The following LYSMD1 variants were observed in gnomAD, a reference collection of about 807,000 sequenced individuals.
LYSMD1 encodes the protein lysM and putative peptidoglycan-binding domain-containing protein 1.
A neutral mutation model predicts 19.3 loss-of-function variants in LYSMD1; 9 were observed. That is an observed-to-expected ratio of 0.47 (90% CI 0.28 to 0.81). The LOEUF (loss-of-function observed/expected upper bound fraction) is 0.81. Among genes scored for constraint, LYSMD1 ranks in the 40% least tolerant of loss-of-function variants. The pLI, the probability that LYSMD1 is intolerant of heterozygous loss-of-function variation, is 0.11. For synonymous variants in LYSMD1, 111 were observed against 111.7 expected, an observed-to-expected ratio of 0.99 and a Z score of 0.04; for missense variants, 262 against 279.8, an observed-to-expected ratio of 0.94 and a Z score of 0.45.
downstream of LYSMD1, chr1:151,159,153 C>T: frequency 6.2e-7 from 1 of 1,614,208 alleles, no homozygotes; most frequent in Non-Finnish European, 8.5e-7. Flanking sequence ...ACTTCTCTGA[C>T]CCAGGTCTGC....
the LYSMD1 span, among the ~76,000 whole-genome samples, chr1:151,152,941 T>C: frequency 9.2e-5 from 14 of 152,206 alleles, no homozygotes; most frequent in African/African-American, 3.4e-4. Context: ...AATATCTTCA[T>C]TTTGCTTCAA....
At chr1:151,152,563 G>C in the LYSMD1 span, among the ~76,000 whole-genome samples, 1 of 151,294 alleles carries the variant, frequency 6.6e-6, no homozygotes, top group South Asian at 2.1e-4. Flanking sequence ...AGCCGGGCGT[G>C]GGGGTGCGCG....
the LYSMD1 span, among the ~76,000 whole-genome samples, chr1:151,148,548 AC>A: frequency 2.6e-5 from 4 of 152,230 alleles, no homozygotes; most frequent in Non-Finnish European, 5.9e-5. Flanking sequence ...AAAAGACAAC[AC>A]CAAGTCTCAA....
At chr1:151,152,113 A>AG in the LYSMD1 span, among the ~76,000 whole-genome samples, 43 of 151,874 alleles carry the variant, frequency 2.8e-4, no homozygotes, top group Non-Finnish European at 4.1e-4. Flanking sequence ...CAAAAAAAAA[A>AG]CAAGCCAGGT....
intron 1 of LYSMD1, among the ~76,000 whole-genome samples, chr1:151,164,055 G>A (rs587769424): frequency 6.6e-4 from 101 of 152,100 alleles, no homozygotes; most frequent in African/African-American, 2.3e-3. Flanking sequence ...CACCACGCCC[G>A]GCTAATTTTT....
downstream of LYSMD1, among the ~76,000 whole-genome samples, chr1:151,156,982 G>A (rs1226930390): frequency 6.6e-6 from 1 of 152,212 alleles, no homozygotes; most frequent in South Asian, 2.1e-4. Context: ...GGAAATCTTA[G>A]GAAACAAGGA....
downstream of LYSMD1, among the ~76,000 whole-genome samples, chr1:151,155,006 C>T (rs1482269582): frequency 6.6e-6 from 1 of 152,168 alleles, no homozygotes; most frequent in Admixed American, 6.6e-5. Context: ...GTGATCCACC[C>T]ACCTTGGCTT....
At position 151,161,757 on chromosome 1, in the gene LYSMD1, TTC is replaced by T. The variant is rs1237735521; in HGVS notation, c.522_523del (p.Lys175AlafsTer48). On this transcript the variant is annotated frameshift_variant, in exon 2 of 3. Coordinates refer to ENST00000368908, the MANE Select transcript of LYSMD1 (RefSeq NM_212551.5). LOFTEE classifies it high-confidence loss of function. Reference sequence around the variant, plus strand: ...TCACCCATTTTCCCCTTTTTTCAGCTTCTGAGCAGCAGCCTTCTTGGACAGGC... The same window carrying T: ...TCACCCATTTTCCCCTTTTTTCAGCTTGAGCAGCAGCCTTCTTGGACAGGC... 3 of 1,611,454 alleles carry T rather than the reference TTC, an allele frequency of 1.9e-6. No homozygotes were observed. In the Admixed American group the frequency reaches 5.1e-5, roughly 27 times the overall value.
chr1:151,165,852 C>G lies in LYSMD1; in HGVS notation c.-594G>C. 1 of 1,299,158 alleles carries G rather than the reference C, an allele frequency of 7.7e-7. No individual in the cohort carries two copies. Among genetic ancestry groups the G allele is most frequent in the African/African-American group, 1.5e-5 (1 of 68,230 alleles). The allele number at this position is 1,299,158 out of a possible 1,614,324, so 80.5% of individuals were successfully genotyped here. Reference sequence around the variant, plus strand: ...TGTCCCTCCAAACGCCTCAGATCCGCCAAGATGCAAGGGCCTGGATCCAGT... The same window carrying G: ...TGTCCCTCCAAACGCCTCAGATCCGGCAAGATGCAAGGGCCTGGATCCAGT... On this transcript the variant is annotated 5_prime_UTR_variant, in exon 1 of 3. Coordinates refer to ENST00000368908, the MANE Select transcript of LYSMD1 (RefSeq NM_212551.5).
chr1:151,162,440 T>A (rs1683489937), intron 1 of LYSMD1, among the ~76,000 whole-genome samples: 1 of 151,614 alleles, frequency 6.6e-6, no homozygotes, highest in Non-Finnish European at 1.5e-5. Context: ...AATTAAAAAA[T>A]TAAAAATAAA....
chr1:151,158,813 T>C, downstream of LYSMD1: 1 of 1,614,102 alleles, frequency 6.2e-7, no homozygotes, highest in Non-Finnish European at 8.5e-7. Flanking sequence ...AGTGAGGTGC[T>C]AGATGAGCTC....
At position 151,165,745 on chromosome 1, in the gene LYSMD1, A is replaced by G. The variant is rs915946356; in HGVS notation, c.-487T>C. 3.9e-6 allele frequency: 6 copies of G among 1,551,526 alleles called. No individual in the cohort carries two copies. The African/African-American group carries it at 8.2e-5, about 21-fold the overall frequency. ...TGAGGATTGCAAGAATTTGTAGTAC[A>G]CCTTCCACTCAGAGATCCTCAAAGG... On this transcript the variant is annotated 5_prime_UTR_variant, in exon 1 of 3. Transcript: ENST00000368908.
Position 151,165,770 on chromosome 1 carries a change from G to A in LYSMD1, c.-512C>T. On this transcript the variant is annotated 5_prime_UTR_variant, in exon 1 of 3. Coordinates refer to ENST00000368908, the MANE Select transcript of LYSMD1 (RefSeq NM_212551.5). ...ACCTTCCACTCAGAGATCCTCAAAG[G>A]TCCGCTCCGCATAAGATAGGTCACA... 6.4e-7 allele frequency: 1 copy of A among 1,551,654 alleles called. No individual in the cohort carries two copies. Among genetic ancestry groups the A allele is most frequent in the South Asian group, 1.2e-5 (1 of 84,066 alleles).
chr1:151,158,765 G>T (rs1367507585), downstream of LYSMD1: 2 of 1,613,904 alleles, frequency 1.2e-6, no homozygotes, highest in East Asian at 4.5e-5. Flanking sequence ...AAGATGGCGG[G>T]TCGCTCTGTG....
At chr1:151,158,680 C>T, downstream of LYSMD1, 1 of 1,557,772 alleles carries the variant, frequency 6.4e-7, no homozygotes, top group Non-Finnish European at 8.7e-7. Context: ...TGACCACATA[C>T]CCCACTCTCC....
chr1:151,156,100 CAAAAAAAAAAAAAA>C (rs751524835), downstream of LYSMD1, among the ~76,000 whole-genome samples: 5 of 38,124 alleles, frequency 1.3e-4, no homozygotes, highest in African/African-American at 2.3e-4. Context: ...AACTCTGTCT[CAAAAAAAAAAAAAA>C]AAAAAAAAAA....
chr1:151,149,471 C>T, the LYSMD1 span, among the ~76,000 whole-genome samples: 3 of 151,914 alleles, frequency 2.0e-5, no homozygotes, highest in East Asian at 3.9e-4. Flanking sequence ...CAGTCCTGGC[C>T]GGGCGCAGTG....
chr1:151,165,037 C>G, intron 1 of LYSMD1, 42 bp downstream of exon 1: 1 of 1,562,034 alleles, frequency 6.4e-7, no homozygotes, highest in Non-Finnish European at 8.8e-7. Context: ...AGGACTAAAT[C>G]CCTCCTGACT....
the LYSMD1 span, among the ~76,000 whole-genome samples, chr1:151,150,341 A>G: frequency 6.6e-6 from 1 of 152,204 alleles, no homozygotes; most frequent in Non-Finnish European, 1.5e-5. Flanking sequence ...AAACATTCCA[A>G]ACTTTCTCTT....
Sources: gnomAD v4.1 joint callset for allele counts (sites outside exome capture counted in the v4.1 genomes callset) on GRCh38, gnomAD v4.1.1 for gene constraint, MANE v1.5 for transcripts, NCBI Gene and HGNC (gene_info 2026-07-23, HGNC 2026-07-21) for gene names.